Variants in PSMA5 observed in about 807,000 individuals in gnomAD.
PSMA5 encodes proteasome subunit alpha type-5.
Under a neutral mutation model 34.5 loss-of-function variants are expected in PSMA5, and 3 were observed. The observed-to-expected ratio is 0.09, with a 90% CI of 0.04 to 0.22. The LOEUF (loss-of-function observed/expected upper bound fraction) is 0.22, where lower values mean the gene tolerates loss of function less well. Ranked by LOEUF, PSMA5 falls within the 10% of genes least tolerant of loss-of-function variation. The pLI is 1.00. For synonymous variants in PSMA5, 88 were observed against 95.8 expected, an observed-to-expected ratio of 0.92 and a Z score of 0.47; for missense variants, 120 against 286.1, an observed-to-expected ratio of 0.42 and a Z score of 4.19.
chr1:109,419,869 G>C (rs1383685450), intron 2 of PSMA5, among the ~76,000 whole-genome samples: 1 of 151,344 alleles, frequency 6.6e-6, no homozygotes, highest in Non-Finnish European at 1.5e-5. Context: ...GGCTACTTTG[G>C]GGGCTGAGGC....
At chr1:109,425,489 G>A (rs1654619003) in intron 1 of PSMA5, 1 of 152,116 alleles carries the variant, frequency 6.6e-6, no homozygotes, top group Non-Finnish European at 1.5e-5. Context: ...AACTGCAGGT[G>A]GTAAAACTTC....
chr1:109,403,940 T>C (rs956517949), intron 8 of PSMA5, among the ~76,000 whole-genome samples: 2 of 152,154 alleles, frequency 1.3e-5, no homozygotes, highest in African/African-American at 4.8e-5. Flanking sequence ...AAGTCCCAAA[T>C]ATATCTGCAA....
At chr1:109,424,166 T>C (rs1654553578) in intron 1 of PSMA5, among the ~76,000 whole-genome samples, 1 of 152,226 alleles carries the variant, frequency 6.6e-6, no homozygotes, top group South Asian at 2.1e-4. Flanking sequence ...TGTCAGCTCC[T>C]TTGTGAAGTT....
rs535934866 is a variant in PSMA5, at chr1:109,407,046, G to A, written c.648+2882C>T. Among the ~76,000 whole-genome samples, 70 of 152,168 alleles carry A rather than the reference G, an allele frequency of 4.6e-4. 1 individual carries two copies. Among genetic ancestry groups the A allele is most frequent in the African/African-American group, 1.3e-3 (53 of 41,512 alleles). Reference sequence around the variant, plus strand: ...CGCCCAGGCTGGAGTGCAGTGGCGCGGCATGATCTCGGCTCACTGCAAGCT... The same window carrying A: ...CGCCCAGGCTGGAGTGCAGTGGCGCAGCATGATCTCGGCTCACTGCAAGCT... On this transcript the variant is annotated intron_variant, in intron 8 of 8. Transcript: ENST00000271308.
intron 8 of PSMA5, 51 bp downstream of exon 8, chr1:109,409,877 C>T: frequency 7.5e-7 from 1 of 1,327,684 alleles, no homozygotes. Context: ...AGCCAGACCT[C>T]ATCTCTTAAA....
At chr1:109,405,254 C>T (rs1653702345) in intron 8 of PSMA5, among the ~76,000 whole-genome samples, 2 of 152,178 alleles carry the variant, frequency 1.3e-5, no homozygotes, top group African/African-American at 4.8e-5. Flanking sequence ...AGCCAGTTTC[C>T]TCTTCTGTAA....
chr1:109,407,706 ATC>A (rs1557839562), intron 8 of PSMA5, among the ~76,000 whole-genome samples: 1 of 152,044 alleles, frequency 6.6e-6, no homozygotes, highest in African/African-American at 2.4e-5. Flanking sequence ...CTGGAGTGCA[ATC>A]TCAGCTCACT....
intron 2 of PSMA5, among the ~76,000 whole-genome samples, chr1:109,420,080 T>C (rs886094960): frequency 2.0e-5 from 3 of 152,104 alleles, no homozygotes; most frequent in Non-Finnish European, 4.4e-5. Flanking sequence ...TTGATCATCC[T>C]AAATTAAGCA....
chr1:109,403,489 G>A (rs1653620203), intron 8 of PSMA5, among the ~76,000 whole-genome samples: 1 of 151,626 alleles, frequency 6.6e-6, no homozygotes, highest in African/African-American at 2.4e-5. Flanking sequence ...AAAACTAGCA[G>A]GGGGTGTAGC....
chr1:109,426,134 C>G, intron 1 of PSMA5, 168 bp downstream of exon 1: 1 of 850,326 alleles, frequency 1.2e-6, no homozygotes, highest in Non-Finnish European at 1.9e-6. Flanking sequence ...CCGATGTGGT[C>G]TAGCTTGGGG....
rs1245148032 is a variant in PSMA5 at position 109,400,048 on chromosome 1, C to CA, written c.*1964dup. On this transcript the variant is annotated 3_prime_UTR_variant, in exon 9 of 9. Transcript: ENST00000271308. ...TAAGAAAGCTTGTTTTAATATTCTA[C>CA]AAAAAAATCAAAGTTCTACCTCTTT... 9.2e-5 allele frequency: 14 copies of CA among 152,124 alleles called. No individual in the cohort carries two copies. In the East Asian group the frequency reaches 2.7e-3, roughly 29 times the overall value. The allele number at this position is 152,124 out of a possible 1,614,324, so 9.4% of individuals were successfully genotyped here. A position where few individuals can be genotyped will look rare whatever the true frequency, so the allele number is the denominator to read the frequency against.
intron 1 of PSMA5, among the ~76,000 whole-genome samples, chr1:109,422,251 G>A (rs182896390): frequency 1.3e-5 from 2 of 152,252 alleles, no homozygotes; most frequent in East Asian, 3.9e-4. Context: ...GTAAGTTCAT[G>A]CCTCAAAACT....
chr1:109,411,165 A>C, intron 6 of PSMA5, 52 bp from the exon 7 acceptor site: 1 of 1,326,074 alleles, frequency 7.5e-7, no homozygotes, highest in Non-Finnish European at 1.1e-6. Flanking sequence ...GTGGCACTTT[A>C]TGTAACAAAC....
At chr1:109,403,607 G>A (rs577539639) in intron 8 of PSMA5, among the ~76,000 whole-genome samples, 1 of 152,164 alleles carries the variant, frequency 6.6e-6, no homozygotes, top group African/African-American at 2.4e-5. Flanking sequence ...TCCAGCCTGG[G>A]TGACAGAAAG....
Position 109,415,270 on chromosome 1 carries a change from T to C in PSMA5, c.190A>G (p.Ile64Val). ...GCATCAATCTCTACAATTTTCTCAA[T>C]GCTGCTGGGCTCCATCAGTGGGGAA... The part of the protein sequence containing the change: ...ITSPLMEPSS[I>V]EKIVEIDAHI... The change falls in exon 3 of 9, where the codon ATT becomes GTT. Residue 64 changes from isoleucine (I) to valine (V), a missense_variant. Physicochemically the swap from Ile to Val is conservative, Grantham distance 29. Coordinates refer to ENST00000271308, the MANE Select transcript of PSMA5 (RefSeq NM_002790.4). 1 of 1,614,024 alleles carries C rather than the reference T, an allele frequency of 6.2e-7. No homozygotes were observed. Among genetic ancestry groups the C allele is most frequent in the Non-Finnish European group, 8.5e-7 (1 of 1,179,884 alleles).
chr1:109,408,700 T>C (rs1653882674), intron 8 of PSMA5, among the ~76,000 whole-genome samples: 1 of 152,064 alleles, frequency 6.6e-6, no homozygotes, highest in African/African-American at 2.4e-5. Context: ...TTCAGCTTTT[T>C]TTTTTTTCGG....
intron 2 of PSMA5, among the ~76,000 whole-genome samples, 193 bp downstream of exon 2, chr1:109,421,667 C>T (rs1438002006): frequency 6.6e-6 from 1 of 151,968 alleles, no homozygotes; most frequent in Admixed American, 6.6e-5. Flanking sequence ...AAGCAGTTAA[C>T]TGCTCAAAAA....
chr1:109,408,929 G>A (rs1002402253), intron 8 of PSMA5, among the ~76,000 whole-genome samples: 15 of 151,994 alleles, frequency 9.9e-5, no homozygotes, highest in African/African-American at 2.7e-4. Flanking sequence ...GCCCTCAAGC[G>A]ATCCACCTGT....
At chr1:109,410,226 G>A (rs941361394) in intron 7 of PSMA5, among the ~76,000 whole-genome samples, 3 of 152,116 alleles carry the variant, frequency 2.0e-5, no homozygotes, top group African/African-American at 7.2e-5. Context: ...AAACCTTATT[G>A]TGAGCCACAA....
Sources: allele counts gnomAD v4.1 joint callset (sites outside exome capture counted in the v4.1 genomes callset), GRCh38; gene constraint gnomAD v4.1.1; transcripts MANE v1.5; gene names NCBI Gene and HGNC (gene_info 2026-07-23, HGNC 2026-07-21).